Variants in TRNT1 observed in about 807,000 individuals in gnomAD.
The protein encoded by TRNT1 is CCA tRNA nucleotidyltransferase 1, mitochondrial.
Under a neutral mutation model 45.6 loss-of-function variants are expected in TRNT1, and 44 were observed. That is an observed-to-expected ratio of 0.97 (90% CI 0.76 to 1.24). TRNT1 has a LOEUF of 1.24. TRNT1 is among the 50% of genes most tolerant of loss of function. The pLI is 0.00. For missense variants in TRNT1, 633 were observed against 504.4 expected (o/e 1.25, Z -2.44); for synonymous variants, 201 against 171.4 (o/e 1.17, Z -1.35).
At chr3:3,134,283 C>T (rs1488105772) in intron 2 of TRNT1, among the ~76,000 whole-genome samples, 1 of 152,094 alleles carries the variant, frequency 6.6e-6, no homozygotes, top group African/African-American at 2.4e-5. Flanking sequence ...TGTTTTAGGC[C>T]AATGTGAAAT....
Position 3,147,419 on chromosome 3 carries a change from A to G in TRNT1, c.803-31A>G, listed in dbSNP as rs1216730018. 5 of 1,606,486 alleles carry G rather than the reference A, an allele frequency of 3.1e-6. No individual in the cohort carries two copies. In the African/African-American group the frequency reaches 6.7e-5, roughly 22 times the overall value. ...ATGAGTGGTTTTTTATCCCCACTAA[A>G]AACAGGTGAAAAATGCTTTTGTCCC... On this transcript the variant is annotated intron_variant, in intron 6 of 7. Transcript: ENST00000251607.
Position 3,148,441 on chromosome 3 carries a change from A to C in TRNT1, c.*287A>C, listed in dbSNP as rs1416484143. The C allele has an allele frequency of 1.3e-5, 3 of 236,002 alleles. No individual in the cohort carries two copies. Among genetic ancestry groups the C allele is most frequent in the Non-Finnish European group, 2.5e-5 (3 of 120,772 alleles). The allele number at this position is 236,002 out of a possible 1,614,324, so 14.6% of individuals were successfully genotyped here. A position where few individuals can be genotyped will look rare whatever the true frequency, so the allele number is the denominator to read the frequency against. ...TAACCTGTTCAGGCTTTTAAAAAAA[A>C]CTGTTTTTGCATAGGGTAGTACTAA... On this transcript the variant is annotated 3_prime_UTR_variant, in exon 8 of 8. Coordinates refer to ENST00000251607, the MANE Select transcript of TRNT1 (RefSeq NM_182916.3).
In TRNT1 at chr3:3,147,890, T is replaced by G. The variant is rs766626633; in HGVS notation, c.1057-16T>G. The stretch of plus-strand genomic sequence containing the variant: ...TTCATGTGTGACGAAACTAAATGTT[T>G]GATTTTGACACGTAGTCTAGGGAAC... On this transcript the variant is annotated splice_polypyrimidine_tract_variant and intron_variant, in intron 7 of 7. Coordinates refer to ENST00000251607, the MANE Select transcript of TRNT1 (RefSeq NM_182916.3). The G allele has an allele frequency of 1.9e-6, 3 of 1,597,122 alleles. No homozygotes were observed. Among genetic ancestry groups the G allele is most frequent in the Non-Finnish European group, 1.7e-6 (2 of 1,172,152 alleles).
rs1706238876 is a variant in TRNT1 at position 3,148,719 on chromosome 3, TTGA to T, written c.*567_*569del. Reference sequence around the variant, plus strand: ...TAGCAAGCTATGCTTCAGTATGTGGTTGATATTTTTCTGTCACAATGATTTCTT... The same window carrying T: ...TAGCAAGCTATGCTTCAGTATGTGGTTATTTTTCTGTCACAATGATTTCTT... On this transcript the variant is annotated 3_prime_UTR_variant, in exon 8 of 8. Coordinates refer to ENST00000251607, the MANE Select transcript of TRNT1 (RefSeq NM_182916.3). The T allele has an allele frequency of 6.6e-6, 1 of 152,220 alleles. No individual in the cohort carries two copies. The highest frequency in any genetic ancestry group is 6.5e-5 in the Admixed American group (1 of 15,286). The allele number at this position is 152,220 out of a possible 1,614,324, so 9.4% of individuals were successfully genotyped here. A position where few individuals can be genotyped will look rare whatever the true frequency, so the allele number is the denominator to read the frequency against.
intron 2 of TRNT1, among the ~76,000 whole-genome samples, chr3:3,134,171 A>G (rs986250821): frequency 1.3e-5 from 2 of 152,150 alleles, no homozygotes; most frequent in African/African-American, 4.8e-5. Context: ...CATTGAATGT[A>G]GCTCGCAAAG....
chr3:3,152,423 G>GAA (rs11414437), downstream of TRNT1: 2,531 of 1,473,390 alleles, frequency 1.7e-3, no homozygotes, highest in East Asian at 0.019. Flanking sequence ...GGTAAAAAAA[G>GAA]AAAAAAAAAA....
rs1706024245 is a variant in TRNT1 at position 3,146,444 on chromosome 3, T to C, written c.623T>C (p.Ile208Thr). ...ILRYFRFYGRIVDKPGDHDPE... is the reference protein window; with the variant it reads ...ILRYFRFYGRTVDKPGDHDPE... ...TTGTCTTGTAGGTTTTATGGGAGAA[T>C]TGTAGACAAACCTGGTGACCATGAT... is the stretch of plus-strand genomic sequence containing the variant. Residue 208 changes from isoleucine to threonine, a missense_variant, in exon 6 of 8, where the codon ATT becomes ACT. Physicochemically the swap from Ile to Thr is moderately conservative, Grantham distance 89. Transcript: ENST00000251607. 2.5e-6 allele frequency: 4 copies of C among 1,611,308 alleles called. No homozygotes were observed. The highest frequency in any genetic ancestry group is 3.4e-6 in the Non-Finnish European group (4 of 1,179,176).
At chr3:3,140,295 T>A (rs1705565287) in intron 3 of TRNT1, among the ~76,000 whole-genome samples, 2 of 152,146 alleles carry the variant, frequency 1.3e-5, no homozygotes, top group Non-Finnish European at 2.9e-5. Context: ...TCATGATGGA[T>A]TTTTTTTAAA....
intron 2 of TRNT1, among the ~76,000 whole-genome samples, chr3:3,135,581 G>A (rs1397964127): frequency 1.3e-5 from 2 of 152,102 alleles, no homozygotes; most frequent in East Asian, 1.9e-4. Context: ...CAAGAGGGTA[G>A]GGAGCATTTG....
chr3:3,150,616 G>T (rs1706457679), downstream of TRNT1: 2 of 422,142 alleles, frequency 4.7e-6, no homozygotes, highest in South Asian at 4.6e-5. Context: ...GATTCCACAG[G>T]ATAATGGCAC....
At chr3:3,128,174 A>T (rs372393105) in intron 1 of TRNT1, among the ~76,000 whole-genome samples, 4 of 152,134 alleles carry the variant, frequency 2.6e-5, no homozygotes, top group Non-Finnish European at 5.9e-5. Flanking sequence ...TTACCCTTAT[A>T]TTCTCTCCTG....
chr3:3,152,576 C>A (rs779192839), downstream of TRNT1: 9 of 1,613,894 alleles, frequency 5.6e-6, no homozygotes, highest in Non-Finnish European at 7.6e-6. Flanking sequence ...CATCGGCCCA[C>A]ATAAGGATAA....
chr3:3,130,476 T>G (rs1327613470), intron 2 of TRNT1: 1 of 156,962 alleles, frequency 6.4e-6, no homozygotes, highest in East Asian at 1.9e-4. Flanking sequence ...TGTTGATTCT[T>G]TTAGATTGTT....
rs1270849572 is a variant in TRNT1 at position 3,129,554 on chromosome 3, C to T, written c.148+366C>T. On this transcript the variant is annotated intron_variant, in intron 2 of 7. Coordinates refer to ENST00000251607, the MANE Select transcript of TRNT1 (RefSeq NM_182916.3). ...GTGAGCTATGATCATGCCACTCTAGCCTGGGCAACAGAGTGAGACCCTGTC... is the reference window on the plus strand; with the variant it reads ...GTGAGCTATGATCATGCCACTCTAGTCTGGGCAACAGAGTGAGACCCTGTC... 4 of 427,324 alleles carry T rather than the reference C, an allele frequency of 9.4e-6. No individual in the cohort carries two copies. In the Admixed American group the frequency reaches 1.1e-4, roughly 12 times the overall value. 26.5% of individuals were successfully genotyped at this position (427,324 alleles called of 1,614,324 possible).
chr3:3,144,827 T>A, intron 5 of TRNT1, 117 bp downstream of exon 5: 1 of 1,081,862 alleles, frequency 9.2e-7, no homozygotes, highest in Non-Finnish European at 1.3e-6. Flanking sequence ...CAAATGTCTG[T>A]CTCCAGTGGA....
At chr3:3,136,417 A>G (rs554433721) in intron 2 of TRNT1, among the ~76,000 whole-genome samples, 1 of 152,262 alleles carries the variant, frequency 6.6e-6, no homozygotes, top group African/African-American at 2.4e-5. Context: ...AAATGGTTCT[A>G]CCTAGAGCAC....
rs1416064163 is a variant in TRNT1, at chr3:3,129,271, G to T, written c.148+83G>T. 13 of 1,232,262 alleles carry T rather than the reference G, an allele frequency of 1.1e-5. No homozygotes were observed. The African/African-American group carries it at 2.0e-4, about 19-fold the overall frequency. 76.3% of individuals were successfully genotyped at this position (1,232,262 alleles called of 1,614,324 possible). On this transcript the variant is annotated intron_variant, in intron 2 of 7. Transcript: ENST00000251607. ...GGTTAACTTTTTAAGCCAGCATTCG[G>T]ATATTTTCATTGTTGTTTTAATTAT...
At chr3:3,133,110 C>G (rs1705115992) in intron 2 of TRNT1, among the ~76,000 whole-genome samples, 1 of 152,112 alleles carries the variant, frequency 6.6e-6, no homozygotes, top group Admixed American at 6.6e-5. Flanking sequence ...TTAATAGCTG[C>G]TTTGCCATGT....
intron 3 of TRNT1, among the ~76,000 whole-genome samples, chr3:3,137,672 T>C (rs576003211): frequency 6.6e-6 from 1 of 151,718 alleles, no homozygotes; most frequent in East Asian, 1.9e-4. Flanking sequence ...GGGTATTTAC[T>C]TTTCAGTTTT....
Sources: allele counts gnomAD v4.1 joint callset (sites outside exome capture counted in the v4.1 genomes callset), GRCh38; gene constraint gnomAD v4.1.1; transcripts MANE v1.5; gene names NCBI Gene and HGNC (gene_info 2026-07-23, HGNC 2026-07-21).